The following ANKRD44 variants were observed in gnomAD, a reference collection of about 807,000 sequenced individuals.
ANKRD44 encodes ankyrin repeat domain 44.
Under a neutral mutation model 116.0 loss-of-function variants are expected in ANKRD44, and 35 were observed. The ratio of observed to expected loss-of-function variants is 0.30; its 90% confidence interval spans 0.23 to 0.40. ANKRD44 has a LOEUF of 0.40. ANKRD44 is among the 10% of genes least tolerant of loss of function. The pLI is 1.00. For missense variants in ANKRD44, 1,014 were observed against 1,242.6 expected (o/e 0.82, Z 2.77); for synonymous variants, 435 against 461.8 (o/e 0.94, Z 0.74).
chr2:197,106,809 T>A (rs866090882), intron 9 of ANKRD44, among the ~76,000 whole-genome samples: 24,474 of 138,182 alleles, frequency 0.18, 3,518 homozygotes, highest in African/African-American at 0.4. Flanking sequence ...TATATATATT[T>A]TTTTTTTTTT....
At chr2:197,170,704 G>A (rs1156238887) in intron 2 of ANKRD44, among the ~76,000 whole-genome samples, 1 of 152,228 alleles carries the variant, frequency 6.6e-6, no homozygotes, top group Non-Finnish European at 1.5e-5. Context: ...AAATATGGAA[G>A]GGTAGAAACT....
intron 16 of ANKRD44, chr2:197,029,609 G>T: frequency 2.4e-6 from 1 of 423,790 alleles, no homozygotes; most frequent in Non-Finnish European, 4.6e-6. Context: ...ATTAAATGCA[G>T]AGTCACTCCA....
intron 12 of ANKRD44, among the ~76,000 whole-genome samples, chr2:197,087,158 G>A (rs968927928): frequency 2.6e-5 from 4 of 152,104 alleles, no homozygotes; most frequent in South Asian, 2.1e-4. Context: ...GTGGATGGGC[G>A]TTACCTTCTA....
intron 2 of ANKRD44, among the ~76,000 whole-genome samples, chr2:197,171,564 G>A (rs967097885): frequency 3.9e-5 from 6 of 152,146 alleles, no homozygotes; most frequent in Non-Finnish European, 7.4e-5. Flanking sequence ...AGAACAAAAG[G>A]GATTTTTAGA....
chr2:197,305,339 A>G (rs747281386), intron 1 of ANKRD44, among the ~76,000 whole-genome samples: 3 of 152,252 alleles, frequency 2.0e-5, no homozygotes, highest in Admixed American at 6.5e-5. Context: ...TTGAGCTTCA[A>G]TATGAAATTT....
At chr2:197,102,991 A>T (rs944676964) in intron 9 of ANKRD44, among the ~76,000 whole-genome samples, 2 of 151,930 alleles carry the variant, frequency 1.3e-5, no homozygotes, top group African/African-American at 2.4e-5. Flanking sequence ...GCACTCTGGG[A>T]GGCCAAGGTG....
At chr2:197,282,587 T>A (rs2105835952) in intron 1 of ANKRD44, among the ~76,000 whole-genome samples, 1 of 152,274 alleles carries the variant, frequency 6.6e-6, no homozygotes, top group Admixed American at 6.5e-5. Context: ...ACAGAGAAGA[T>A]GCTTGAAGTT....
intron 1 of ANKRD44, among the ~76,000 whole-genome samples, chr2:197,260,338 G>GT (rs1559195333): frequency 6.6e-6 from 1 of 152,158 alleles, no homozygotes; most frequent in Non-Finnish European, 1.5e-5. Flanking sequence ...GTGGTGTTTG[G>GT]TTTTTTGTCC....
At chr2:197,143,613 G>A (rs1006428490) in intron 3 of ANKRD44, among the ~76,000 whole-genome samples, 1 of 151,758 alleles carries the variant, frequency 6.6e-6, no homozygotes, top group Non-Finnish European at 1.5e-5. Flanking sequence ...TTGGACATTT[G>A]GGTTGGTTCC....
chr2:197,164,899 G>A, intron 2 of ANKRD44, among the ~76,000 whole-genome samples: 1 of 152,056 alleles, frequency 6.6e-6, no homozygotes, highest in East Asian at 1.9e-4. Flanking sequence ...GGGCCCTGGA[G>A]GCGGAAGAAC....
At position 197,013,595 on chromosome 2, in the gene ANKRD44, CTG is replaced by C; in HGVS notation, c.1838_1839del (p.Thr613ArgfsTer31). ...ALDLAAFKGH[T>X]ECVEALINQG... Reference sequence around the variant, plus strand: ...TGATTGATAAGCGCTTCCACACATTCTGTGTGTCCTTTAAAGGCAGCCAGATC... The same window carrying C: ...TGATTGATAAGCGCTTCCACACATTCTGTGTCCTTTAAAGGCAGCCAGATC... On this transcript the variant is annotated frameshift_variant, in exon 18 of 28. Coordinates refer to ENST00000282272, the MANE Select transcript of ANKRD44 (RefSeq NM_001195144.2). LOFTEE classifies it high-confidence loss of function. 6.2e-7 allele frequency: 1 copy of C among 1,614,212 alleles called. No individual in the cohort carries two copies. Among genetic ancestry groups the C allele is most frequent in the Non-Finnish European group, 8.5e-7 (1 of 1,180,044 alleles).
At position 197,156,984 on chromosome 2, in the gene ANKRD44, G is replaced by A. The variant is rs575194242; in HGVS notation, c.112-9879C>T. Among the ~76,000 whole-genome samples, 10 of 152,254 alleles carry A rather than the reference G, an allele frequency of 6.6e-5. No homozygotes were observed. The South Asian group carries it at 1.9e-3, about 28-fold the overall frequency. Reference sequence around the variant, plus strand: ...GGGTAGCAGGGAGGGATTTGAAAGGGGAACAAGGAAGCTTTTGGAGCACTG... The same window carrying A: ...GGGTAGCAGGGAGGGATTTGAAAGGAGAACAAGGAAGCTTTTGGAGCACTG... On this transcript the variant is annotated intron_variant, in intron 2 of 27. Transcript: ENST00000282272.
At chr2:197,062,569 T>C (rs1004768931) in intron 16 of ANKRD44, among the ~76,000 whole-genome samples, 1 of 152,188 alleles carries the variant, frequency 6.6e-6, no homozygotes, top group African/African-American at 2.4e-5. Context: ...GGTCAGGGAA[T>C]TCCCTTTCCT....
intron 16 of ANKRD44, among the ~76,000 whole-genome samples, chr2:197,047,536 A>C (rs1251047357): frequency 6.6e-6 from 1 of 152,230 alleles, no homozygotes; most frequent in Non-Finnish European, 1.5e-5. Context: ...ACAATGTCTT[A>C]CTAATAAGAG....
intron 16 of ANKRD44, among the ~76,000 whole-genome samples, chr2:197,067,429 C>CA (rs1332474366): frequency 6.6e-6 from 1 of 151,724 alleles, no homozygotes; most frequent in Non-Finnish European, 1.5e-5. Flanking sequence ...AGGCAACCTA[C>CA]AACATGGGAG....
intron 23 of ANKRD44, among the ~76,000 whole-genome samples, chr2:197,000,040 G>A (rs2076086809): frequency 6.6e-6 from 1 of 152,026 alleles, no homozygotes; most frequent in Non-Finnish European, 1.5e-5. Context: ...AAAAGAATAT[G>A]GTAAATCTGT....
downstream of ANKRD44, among the ~76,000 whole-genome samples, chr2:196,984,900 C>T (rs923315240): frequency 3.9e-5 from 6 of 152,220 alleles, no homozygotes; most frequent in Admixed American, 3.9e-4. Flanking sequence ...TGTTCACACC[C>T]TTGGGGAATC....
At chr2:197,286,608 C>T (rs1250357455) in intron 1 of ANKRD44, among the ~76,000 whole-genome samples, 1 of 151,992 alleles carries the variant, frequency 6.6e-6, no homozygotes, top group African/African-American at 2.4e-5. Flanking sequence ...GAACTCATGA[C>T]CTCAAGTGAT....
intron 1 of ANKRD44, among the ~76,000 whole-genome samples, chr2:197,283,443 C>G (rs2083321201): frequency 6.6e-6 from 1 of 152,178 alleles, no homozygotes. Context: ...CAGTATGAAT[C>G]TCCATATAAA....
Sources: allele counts gnomAD v4.1 joint callset (sites outside exome capture counted in the v4.1 genomes callset), GRCh38; gene constraint gnomAD v4.1.1; transcripts MANE v1.5; gene names NCBI Gene and HGNC (gene_info 2026-07-23, HGNC 2026-07-21).